Variants in PLEKHM1 observed in about 807,000 individuals in gnomAD.
PLEKHM1 encodes pleckstrin homology and RUN domain containing M1.
PLEKHM1 carries 28 observed loss-of-function variants against 94.3 expected under a neutral mutation model. The observed-to-expected ratio is 0.30, with a 90% CI of 0.22 to 0.41. PLEKHM1 has a LOEUF of 0.41. PLEKHM1 is among the 10% of genes least tolerant of loss of function. The pLI is 1.00. For missense variants in PLEKHM1, 907 were observed against 1,358.6 expected (o/e 0.67, Z 5.22); for synonymous variants, 424 against 581.2 (o/e 0.73, Z 3.89).
intron 11 of PLEKHM1, among the ~76,000 whole-genome samples, chr17:45,438,544 A>C (rs2145153487): frequency 6.6e-6 from 1 of 151,918 alleles, no homozygotes; most frequent in East Asian, 2.0e-4. Context: ...AAAGAAAAAA[A>C]AAATTTTTTT....
Position 45,478,659 on chromosome 17 carries a change from T to C in PLEKHM1, c.49-512A>G, listed in dbSNP as rs111742199. 6.3e-3 allele frequency among the ~76,000 whole-genome samples: 958 copies of C among 152,254 alleles called. 7 individuals carry two copies. The highest frequency in any genetic ancestry group is 0.02 in the Middle Eastern group (6 of 294). On this transcript the variant is annotated intron_variant, in intron 2 of 11. Transcript: ENST00000430334. ...TAAAAACATGAGGAGAACAGGAGCA[T>C]GGTTTACTTTAAGAAAGATCCTAGG...
At chr17:45,476,180 A>G (rs1313079438) in intron 3 of PLEKHM1, 1 of 146,032 alleles carries the variant, frequency 6.8e-6, no homozygotes, top group African/African-American at 2.5e-5. Flanking sequence ...ATAAATATAA[A>G]TTATATATAT....
chr17:45,489,023 T>C (rs1232271444), intron 1 of PLEKHM1, among the ~76,000 whole-genome samples: 1 of 152,150 alleles, frequency 6.6e-6, no homozygotes, highest in South Asian at 2.1e-4. Flanking sequence ...AGAAAATGTG[T>C]ACCAAAAAGC....
chr17:45,461,697 C>T (rs1220680691), intron 5 of PLEKHM1, among the ~76,000 whole-genome samples: 3 of 152,080 alleles, frequency 2.0e-5, no homozygotes, highest in Non-Finnish European at 4.4e-5. Context: ...CCTCATTGGC[C>T]GCCTCTGTCT....
At position 45,437,035 on chromosome 17, in the gene PLEKHM1, T is replaced by A. The variant is rs1354159172; in HGVS notation, c.*823A>T. The A allele has an allele frequency of 2.2e-6, 1 of 454,390 alleles. No homozygotes were observed. The highest frequency in any genetic ancestry group is 4.4e-6 in the Non-Finnish European group (1 of 226,748). The allele number at this position is 454,390 out of a possible 1,614,324, so 28.1% of individuals were successfully genotyped here. A position where few individuals can be genotyped will look rare whatever the true frequency, so the allele number is the denominator to read the frequency against. On this transcript the variant is annotated 3_prime_UTR_variant, in exon 12 of 12. Transcript: ENST00000430334. This position sits in a 1 kb window ranked among gnomAD's most constrained non-coding sequence, Gnocchi z 4.0. Reference sequence around the variant, plus strand: ...TCGGGGGTGGGCAAGACGGCGACCCTCCATAAACCGAGGAGGGCTCAAAGT... The same window carrying A: ...TCGGGGGTGGGCAAGACGGCGACCCACCATAAACCGAGGAGGGCTCAAAGT...
chr17:45,467,892 A>G (rs1346337822), intron 5 of PLEKHM1, among the ~76,000 whole-genome samples: 1 of 152,260 alleles, frequency 6.6e-6, no homozygotes, highest in Admixed American at 6.5e-5. Flanking sequence ...GTGGTTAAAG[A>G]GCTGAGACTG....
chr17:45,478,830 C>CA (rs1042374124), intron 2 of PLEKHM1, among the ~76,000 whole-genome samples: 6 of 151,456 alleles, frequency 4.0e-5, no homozygotes, highest in Admixed American at 2.0e-4. Flanking sequence ...GACCTTGTCT[C>CA]AAAAAAAGAA....
intron 5 of PLEKHM1, among the ~76,000 whole-genome samples, chr17:45,464,655 A>G (rs2051263054): frequency 1.3e-5 from 2 of 152,008 alleles, no homozygotes; most frequent in African/African-American, 4.8e-5. Context: ...GCAGGATCCG[A>G]GATTCTCACA....
intron 6 of PLEKHM1, among the ~76,000 whole-genome samples, chr17:45,457,560 CA>C (rs562466401): frequency 0.017 from 2,177 of 126,708 alleles, 26 homozygotes; most frequent in African/African-American, 0.044. Context: ...AACTCCACCT[CA>C]AAAAAAAAAA....
intron 6 of PLEKHM1, among the ~76,000 whole-genome samples, chr17:45,456,687 G>A (rs2050960943): frequency 6.6e-6 from 1 of 152,250 alleles, no homozygotes; most frequent in African/African-American, 2.4e-5. Context: ...CCCACAGCAA[G>A]GCCCCCTGAG....
chr17:45,439,348 A>G (rs2050366336), intron 11 of PLEKHM1, 129 bp downstream of exon 11: 18 of 1,071,220 alleles, frequency 1.7e-5, no homozygotes, highest in Non-Finnish European at 2.5e-5. Flanking sequence ...ACCCCTTGGC[A>G]CAGCACAAAG....
intron 9 of PLEKHM1, chr17:45,440,512 G>C: frequency 1.7e-6 from 1 of 578,704 alleles, no homozygotes; most frequent in Non-Finnish European, 3.1e-6. Flanking sequence ...AAAGCATTTG[G>C]CTTGGTGCCA....
At chr17:45,474,804 T>C (rs2051656795) in intron 4 of PLEKHM1, among the ~76,000 whole-genome samples, 1 of 152,130 alleles carries the variant, frequency 6.6e-6, no homozygotes, top group Non-Finnish European at 1.5e-5. Context: ...AGTGCTGGGA[T>C]TTCAGGCATG....
At chr17:45,434,870 G>A (rs1342519034), downstream of PLEKHM1, among the ~76,000 whole-genome samples, 4 of 150,844 alleles carry the variant, frequency 2.7e-5, no homozygotes, top group Admixed American at 6.6e-5. Flanking sequence ...TCAGGAGGCT[G>A]AGGCAGGAGA....
intron 5 of PLEKHM1, among the ~76,000 whole-genome samples, chr17:45,466,450 T>C (rs1045693277): frequency 1.3e-5 from 2 of 152,142 alleles, no homozygotes; most frequent in African/African-American, 4.8e-5. Flanking sequence ...ATTAGGAGGT[T>C]TAAAAGTCAA....
intron 6 of PLEKHM1, among the ~76,000 whole-genome samples, chr17:45,457,742 A>C (rs2051011241): frequency 6.6e-6 from 1 of 152,160 alleles, no homozygotes; most frequent in African/African-American, 2.4e-5. Flanking sequence ...ACAAACAAAC[A>C]AAACAAATAG....
chr17:45,482,151 G>T (rs1391387914), intron 2 of PLEKHM1, among the ~76,000 whole-genome samples: 1 of 150,510 alleles, frequency 6.6e-6, no homozygotes, highest in East Asian at 1.9e-4. Context: ...GCTTTGGCCA[G>T]ACTGTGACCA....
In PLEKHM1 at chr17:45,475,086, G is replaced by A. The variant is rs190273249; in HGVS notation, c.923+14C>T. 5.6e-6 allele frequency: 9 copies of A among 1,613,904 alleles called. No homozygotes were observed. The highest frequency in any genetic ancestry group is 1.7e-5 in the Admixed American group (1 of 60,008). On this transcript the variant is annotated intron_variant, in intron 4 of 11. Transcript: ENST00000430334. ...AAGAGAGAAGATGGGAAGGAGTGGGGGCAGCGTACTCACTCTTGCAGAGAC... is the reference window on the plus strand; with the variant it reads ...AAGAGAGAAGATGGGAAGGAGTGGGAGCAGCGTACTCACTCTTGCAGAGAC...
At chr17:45,471,697 A>C (rs2051519510) in intron 4 of PLEKHM1, among the ~76,000 whole-genome samples, 1 of 152,214 alleles carries the variant, frequency 6.6e-6, no homozygotes, top group African/African-American at 2.4e-5. Flanking sequence ...CGGAGGTTGC[A>C]GTGAGCCGAG....
Sources: allele counts gnomAD v4.1 joint callset (sites outside exome capture counted in the v4.1 genomes callset), GRCh38; gene constraint gnomAD v4.1.1; non-coding constraint Gnocchi (gnomAD v3.1); transcripts MANE v1.5; gene names NCBI Gene and HGNC (gene_info 2026-07-23, HGNC 2026-07-21).